SCRIB: variants seen among roughly 807,000 people sequenced by gnomAD.
SCRIB encodes the protein scribble planar cell polarity protein, also known as protein scribble homolog.
In SCRIB, 72 loss-of-function variants were observed where a neutral mutation model predicts 170.0. The observed-to-expected ratio is 0.42, with a 90% CI of 0.35 to 0.52. SCRIB has a LOEUF of 0.52. Among genes scored for constraint, SCRIB ranks in the 20% least tolerant of loss-of-function variants. The pLI is 0.02. For missense variants in SCRIB, 2,475 were observed against 2,338.5 expected, an observed-to-expected ratio of 1.06 and a Z score of -1.20; for synonymous variants, 1,298 against 1,044.3, an observed-to-expected ratio of 1.24 and a Z score of -4.68.
chr8:143,809,444 G>T, intron 14 of SCRIB, 107 bp downstream of exon 14: 1 of 1,263,794 alleles, frequency 7.9e-7, no homozygotes, highest in Non-Finnish European at 1.1e-6. Flanking sequence ...GCATCAGCAG[G>T]GCCCAGGCAC....
Position 143,804,168 on chromosome 8 carries a change from G to C in SCRIB, c.3010-12C>G. 6.3e-7 allele frequency: 1 copy of C among 1,591,508 alleles called. No homozygotes were observed. The highest frequency in any genetic ancestry group is 1.1e-5 in the South Asian group (1 of 89,366). ...GGCAGACGGATCTCCTGGGGATTTA[G>C]GGCGGGACAAGGACAGGCCTCGGTC... On this transcript the variant is annotated splice_polypyrimidine_tract_variant and intron_variant, in intron 21 of 36. Transcript: ENST00000356994.
Position 143,793,932 on chromosome 8 carries a change from C to T in SCRIB, c.3877G>A (p.Ala1293Thr). The T allele has an allele frequency of 6.2e-7, 1 of 1,613,516 alleles. No individual in the cohort carries two copies. Among genetic ancestry groups the T allele is most frequent in the Middle Eastern group, 1.7e-4 (1 of 6,030 alleles). The change falls in exon 28 of 37, where the codon GCT becomes ACT. Residue 1293 changes from alanine to threonine, a missense_variant. Physicochemically the swap from Ala to Thr is moderately conservative, Grantham distance 58 (BLOSUM62 0). Around this residue, in one of 3 missense-constraint regions of SCRIB, gnomAD observed 1,966 missense variants for 1,742.9 expected, o/e 1.13. Coordinates refer to ENST00000356994, the MANE Select transcript of SCRIB (RefSeq NM_182706.5). ...VPSGAAGGKM[A>T]ESPCSPSGQQ... ...CCACTAGGGGAGCAGGGAGATTCAG[C>T]CATCTTCCCTCCAGCTGCTCCAGAC... is the stretch of plus-strand genomic sequence containing the variant.
intron 6 of SCRIB, 21 bp from the exon 7 acceptor site, chr8:143,813,125 A>T (rs1161022468): frequency 6.4e-7 from 1 of 1,572,336 alleles, no homozygotes; most frequent in Non-Finnish European, 8.6e-7. Context: ...GAACAGAGAA[A>T]ATAGTGACTA....
chr8:143,800,030 C>T (rs1257697267), intron 24 of SCRIB, among the ~76,000 whole-genome samples: 2 of 108,262 alleles, frequency 1.8e-5, no homozygotes, highest in African/African-American at 3.9e-5. Flanking sequence ...GAATTGAAGC[C>T]CCCCCCCCAC....
intron 20 of SCRIB, 42 bp downstream of exon 20, chr8:143,804,892 A>AGGGGGGAT: frequency 1.5e-5 from 2 of 133,314 alleles, no homozygotes; most frequent in Non-Finnish European, 2.5e-5. Context: ...GGGGCGGGGC[A>AGGGGGGAT]GGGGGGATGG....
chr8:143,814,214 G>C (rs1033909597), intron 1 of SCRIB, 96 bp from the exon 2 acceptor site: 1 of 1,028,794 alleles, frequency 9.7e-7, no homozygotes, highest in Non-Finnish European at 1.4e-6. Flanking sequence ...AGAGTCCCTA[G>C]GCCTCTGTCT....
In SCRIB at chr8:143,792,730, C is replaced by A. The variant is rs1554633209; in HGVS notation, c.4155G>T (p.Leu1385=). Residue 1385 remains leucine, a synonymous_variant, in exon 30 of 37, where the codon CTG becomes CTT. Coordinates refer to ENST00000356994, the MANE Select transcript of SCRIB (RefSeq NM_182706.5). The part of the protein sequence containing the change: ...KRVSLVGADD[L]RKMQEEEARK... ...CACCTTCCTCCTCCTGCATCTTCCG[C>A]AGGTCGTCAGCACCCACCAGGGACA... is the stretch of plus-strand genomic sequence containing the variant. The A allele has an allele frequency of 6.3e-7, 1 of 1,590,030 alleles. No homozygotes were observed. Among genetic ancestry groups the A allele is most frequent in the South Asian group, 1.1e-5 (1 of 88,782 alleles).
chr8:143,807,273 CT>C lies in SCRIB; in HGVS notation c.2179-261del, dbSNP rs575063345. Among the ~76,000 whole-genome samples the C allele has an allele frequency of 2.6e-3, 403 of 152,346 alleles. 2 individuals are homozygous for C. Among genetic ancestry groups the C allele is most frequent in the African/African-American group, 9.3e-3 (385 of 41,588 alleles). On this transcript the variant is annotated intron_variant, in intron 16 of 36. Coordinates refer to ENST00000356994, the MANE Select transcript of SCRIB (RefSeq NM_182706.5). ...CAGGTGATGGTGGCCCGAGGCCCCC[CT>C]GCCACCCTCGAGTGAGGACTGCGCT...
chr8:143,810,332 C>T, intron 13 of SCRIB, 147 bp downstream of exon 13: 1 of 1,222,112 alleles, frequency 8.2e-7, no homozygotes, highest in Non-Finnish European at 1.1e-6. Flanking sequence ...GGCCCTGCAG[C>T]TCCATGTCCC....
chr8:143,812,613 C>T (rs1284938721), intron 8 of SCRIB, among the ~76,000 whole-genome samples: 1 of 152,186 alleles, frequency 6.6e-6, no homozygotes, highest in Admixed American at 6.5e-5. Flanking sequence ...CAGACTCCAC[C>T]GCCCCCTCCA....
chr8:143,803,592 G>A, intron 23 of SCRIB, 21 bp from the exon 24 acceptor site: 1 of 1,582,436 alleles, frequency 6.3e-7, no homozygotes. Flanking sequence ...ACGTGGTATG[G>A]GAGAGACCTG....
chr8:143,804,354 C>A (rs1554635821), intron 21 of SCRIB, among the ~76,000 whole-genome samples, 198 bp from the exon 22 acceptor site: 1 of 152,252 alleles, frequency 6.6e-6, no homozygotes, highest in Non-Finnish European at 1.5e-5. Context: ...CTGACTGTGG[C>A]CATGTGGCCA....
chr8:143,801,357 C>T (rs1209143176), intron 24 of SCRIB, among the ~76,000 whole-genome samples: 1 of 152,208 alleles, frequency 6.6e-6, no homozygotes, highest in Non-Finnish European at 1.5e-5. Context: ...CAAAGCAATT[C>T]CAGGTGGACC....
chr8:143,815,680 C>A lies in SCRIB; in HGVS notation c.-308G>T. The A allele has an allele frequency of 1.0e-6, 1 of 982,862 alleles. No individual in the cohort carries two copies. The highest frequency in any genetic ancestry group is 1.2e-6 in the Non-Finnish European group (1 of 829,036). 60.9% of individuals were successfully genotyped at this position (982,862 alleles called of 1,614,324 possible). A position where few individuals can be genotyped will look rare whatever the true frequency, so the allele number is the denominator to read the frequency against. On this transcript the variant is annotated 5_prime_UTR_variant, in exon 1 of 37. Coordinates refer to ENST00000356994, the MANE Select transcript of SCRIB (RefSeq NM_182706.5). ...GCTCAGCTCGTCCCGCCCGCTCGTC[C>A]GCCCGCTGTGCCGCACCGGAACCGC...
At chr8:143,813,601 C>G in intron 4 of SCRIB, 36 bp downstream of exon 4, 1 of 1,612,270 alleles carries the variant, frequency 6.2e-7, no homozygotes. Flanking sequence ...TCCTGGTCCC[C>G]CACCCCACCC....
Position 143,791,913 on chromosome 8 carries a change from T to G in SCRIB, c.4658A>C (p.Asp1553Ala), listed in dbSNP as rs370457362. The G allele has an allele frequency of 1.4e-6, 2 of 1,449,294 alleles. No individual in the cohort carries two copies. Among genetic ancestry groups the G allele is most frequent in the African/African-American group, 1.6e-5 (1 of 64,146 alleles). The allele number at this position is 1,449,294 out of a possible 1,614,324, so 89.8% of individuals were successfully genotyped here. A position where few individuals can be genotyped will look rare whatever the true frequency, so the allele number is the denominator to read the frequency against. Residue 1553 changes from aspartate (D) to alanine (A), a missense_variant and splice_region_variant, in exon 34 of 37, where the codon GAC becomes GCC. Asp to Ala is a moderately radical substitution (Grantham distance 126, BLOSUM62 -2). Coordinates refer to ENST00000356994, the MANE Select transcript of SCRIB (RefSeq NM_182706.5). Reference protein sequence around the residue: ...APTPSPTPVEDLGPQTSTSPG... With the variant: ...APTPSPTPVEALGPQTSTSPG... ...GGAGGTGCTGGTCTGGGGGCCGAGGTCTGGGGGGACAAGAAGCGGGCATTG... is the reference window on the plus strand; with the variant it reads ...GGAGGTGCTGGTCTGGGGGCCGAGGGCTGGGGGGACAAGAAGCGGGCATTG...
intron 24 of SCRIB, among the ~76,000 whole-genome samples, chr8:143,801,540 A>G (rs1554634983): frequency 1.3e-5 from 2 of 152,192 alleles, no homozygotes; most frequent in African/African-American, 4.8e-5. Flanking sequence ...AAAAGATCCC[A>G]TTTTTTTAAA....
At chr8:143,801,272 G>A (rs1275709318) in intron 24 of SCRIB, among the ~76,000 whole-genome samples, 1 of 152,232 alleles carries the variant, frequency 6.6e-6, no homozygotes, top group Non-Finnish European at 1.5e-5. Context: ...CATGGCTTGA[G>A]CGCAGGAGGC....
At chr8:143,813,952 C>G (rs1340939170) in intron 2 of SCRIB, 49 bp downstream of exon 2, 2 of 1,585,290 alleles carry the variant, frequency 1.3e-6, no homozygotes, top group Admixed American at 1.7e-5. Context: ...GTCTGCAGCC[C>G]CAGCGGACAC....
Sources: allele counts gnomAD v4.1 joint callset (sites outside exome capture counted in the v4.1 genomes callset), GRCh38; gene constraint gnomAD v4.1.1; regional missense constraint gnomAD v4.1.1; transcripts MANE v1.5; gene names NCBI Gene and HGNC (gene_info 2026-07-23, HGNC 2026-07-21).